PPFIA1: variants seen among roughly 807,000 people sequenced by gnomAD.
PPFIA1 encodes PPFI scaffold protein A1.
In PPFIA1, 25 loss-of-function variants were observed where a neutral mutation model predicts 149.9. The observed-to-expected ratio is 0.17, with a 90% confidence interval of 0.12 to 0.23. The LOEUF (loss-of-function observed/expected upper bound fraction) is 0.23, where lower values mean the gene tolerates loss of function less well. Among genes scored for constraint, PPFIA1 ranks in the 10% least tolerant of loss-of-function variants. The pLI, the probability that PPFIA1 is intolerant of heterozygous loss-of-function variation, is 1.00. For synonymous variants in PPFIA1, 549 were observed against 552.8 expected (o/e 0.99, Z 0.10); for missense variants, 1,362 against 1,506.5 (o/e 0.90, Z 1.59).
chr11:70,344,528 C>T (rs1296615320), intron 15 of PPFIA1, among the ~76,000 whole-genome samples: 1 of 152,224 alleles, frequency 6.6e-6, no homozygotes, highest in Non-Finnish European at 1.5e-5. Flanking sequence ...CTGAAAGGAG[C>T]GCGTTGCTAT....
At chr11:70,336,758 T>G (rs2055004721) in intron 11 of PPFIA1, among the ~76,000 whole-genome samples, 1 of 152,220 alleles carries the variant, frequency 6.6e-6, no homozygotes, top group African/African-American at 2.4e-5. Context: ...GGGCAGCAGC[T>G]GGATTCCCGT....
In PPFIA1 at chr11:70,343,895, G is replaced by T. The variant is rs371706186; in HGVS notation, c.1931+3G>T. 10 of 1,610,056 alleles carry T rather than the reference G, an allele frequency of 6.2e-6. No individual in the cohort carries two copies. In the South Asian group the frequency reaches 8.9e-5, roughly 14 times the overall value. ...GACGCCATCAACAAAGAGATCAGGT[G>T]TGTGCAACCGTGCATGACACTCACC... On this transcript the variant is annotated splice_donor_region_variant and intron_variant, in intron 15 of 27. Transcript: ENST00000253925.
At chr11:70,325,299 G>C (rs2054196298) in intron 4 of PPFIA1, among the ~76,000 whole-genome samples, 1 of 151,886 alleles carries the variant, frequency 6.6e-6, no homozygotes, top group African/African-American at 2.4e-5. Flanking sequence ...TTCGGGGGAA[G>C]ATTTATTTTT....
rs2055512969 is a variant in PPFIA1, at chr11:70,343,909, A to G, written c.1931+17A>G. On this transcript the variant is annotated intron_variant, in intron 15 of 27. Coordinates refer to ENST00000253925, the MANE Select transcript of PPFIA1 (RefSeq NM_003626.5). ...AGAGATCAGGTGTGTGCAACCGTGC[A>G]TGACACTCACCACACGCATGGGTGT... The G allele has an allele frequency of 1.2e-6, 2 of 1,603,684 alleles. No homozygotes were observed. The highest frequency in any genetic ancestry group is 2.2e-5 in the East Asian group (1 of 44,566).
intron 2 of PPFIA1, among the ~76,000 whole-genome samples, chr11:70,295,143 G>A (rs1344737024): frequency 1.3e-5 from 2 of 151,634 alleles, no homozygotes; most frequent in East Asian, 2.0e-4. Flanking sequence ...GGGCAGAGGC[G>A]CTCCTCACCT....
chr11:70,323,560 CAG>C (rs2054088264), intron 2 of PPFIA1, among the ~76,000 whole-genome samples: 2 of 152,202 alleles, frequency 1.3e-5, no homozygotes, highest in Admixed American at 1.3e-4. Context: ...CAGTCTGGAA[CAG>C]AGTCGCTGCC....
At chr11:70,345,523 A>C (rs570340207) in intron 15 of PPFIA1, among the ~76,000 whole-genome samples, 1 of 152,150 alleles carries the variant, frequency 6.6e-6, no homozygotes, top group Non-Finnish European at 1.5e-5. Flanking sequence ...AGATGACTCC[A>C]AGCCTTTGGG....
At chr11:70,356,736 A>C (rs1408195454) in intron 19 of PPFIA1, among the ~76,000 whole-genome samples, 2 of 152,234 alleles carry the variant, frequency 1.3e-5, no homozygotes, top group Non-Finnish European at 2.9e-5. Context: ...CAGTGCAGCG[A>C]CTGTTGCTTG....
chr11:70,325,604 T>A (rs749330211), intron 5 of PPFIA1, 30 bp downstream of exon 5: 1 of 1,460,308 alleles, frequency 6.8e-7, no homozygotes, highest in Non-Finnish European at 9.6e-7. Flanking sequence ...ATGAGTTGAA[T>A]TGGGGGGGGG....
At chr11:70,370,242 T>A (rs1359236424) in intron 21 of PPFIA1, among the ~76,000 whole-genome samples, 1 of 152,106 alleles carries the variant, frequency 6.6e-6, no homozygotes, top group East Asian at 1.9e-4. Flanking sequence ...GGTTTGTTAA[T>A]TTGATTGATA....
At chr11:70,373,018 G>A (rs1223538507) in intron 23 of PPFIA1, among the ~76,000 whole-genome samples, 1 of 152,204 alleles carries the variant, frequency 6.6e-6, no homozygotes, top group Non-Finnish European at 1.5e-5. Context: ...GGAGGGGAAG[G>A]AGAGGCAGCG....
At chr11:70,292,119 G>C (rs537284415) in intron 2 of PPFIA1, among the ~76,000 whole-genome samples, 1 of 152,282 alleles carries the variant, frequency 6.6e-6, no homozygotes, top group South Asian at 2.1e-4. Context: ...TTACAGGCGT[G>C]AGCCACCGCG....
chr11:70,343,682 A>G lies in PPFIA1; in HGVS notation c.1721A>G (p.Asn574Ser). ...TCTTGTTTATAGGTACAAACTCTTA[A>G]TGAGCAGGATTGGGAACGTGCCCAG... ...RDEPSKVQTLNEQDWERAQQA... is the reference protein window; with the variant it reads ...RDEPSKVQTLSEQDWERAQQA... The change falls in exon 15 of 28, where the codon AAT (asparagine) becomes AGT (serine). Residue 574 changes from asparagine (N) to serine (S), a missense_variant. Physicochemically the swap from Asn to Ser is conservative, Grantham distance 46. Transcript: ENST00000253925. 3.1e-6 allele frequency: 5 copies of G among 1,614,212 alleles called. No individual in the cohort carries two copies. The highest frequency in any genetic ancestry group is 4.2e-6 in the Non-Finnish European group (5 of 1,180,026).
intron 2 of PPFIA1, among the ~76,000 whole-genome samples, chr11:70,288,894 T>C (rs1485541289): frequency 6.6e-6 from 1 of 151,992 alleles, no homozygotes; most frequent in African/African-American, 2.4e-5. Context: ...TGGTTCCCTT[T>C]AGTGGGAAGT....
intron 21 of PPFIA1, chr11:70,366,109 A>C (rs2056921666): frequency 2.8e-6 from 1 of 359,860 alleles, no homozygotes; most frequent in Non-Finnish European, 5.5e-6. Context: ...AATGATTTGA[A>C]AGCACTGGTC....
At chr11:70,339,052 C>T in intron 13 of PPFIA1, 119 bp from the exon 14 acceptor site, 2 of 1,236,872 alleles carry the variant, frequency 1.6e-6, no homozygotes, top group Non-Finnish European at 2.2e-6. Context: ...GCAGTGCCCT[C>T]CCTGGAGACC....
chr11:70,354,076 C>CT, intron 16 of PPFIA1: 1 of 491,434 alleles, frequency 2.0e-6, no homozygotes, highest in East Asian at 3.5e-5. Context: ...TACCTGTGTC[C>CT]TGTTGGGCCC....
chr11:70,325,681 C>A, intron 5 of PPFIA1, 107 bp downstream of exon 5: 1 of 877,578 alleles, frequency 1.1e-6, no homozygotes, highest in Non-Finnish European at 1.8e-6. Flanking sequence ...CCTGTCATCC[C>A]AGCACTTTGG....
At chr11:70,372,687 A>AAACT in intron 23 of PPFIA1, 113 bp downstream of exon 23, 1 of 794,720 alleles carries the variant, frequency 1.3e-6, no homozygotes, top group Non-Finnish European at 2.0e-6. Context: ...TAAGTGGAGA[A>AAACT]AACTAACTAG....
Sources: gnomAD v4.1 joint callset for allele counts (sites outside exome capture counted in the v4.1 genomes callset) on GRCh38, gnomAD v4.1.1 for gene constraint, MANE v1.5 for transcripts, NCBI Gene and HGNC (gene_info 2026-07-23, HGNC 2026-07-21) for gene names.